The following ANKS1B variants were observed in gnomAD, a reference collection of about 807,000 sequenced individuals.
ANKS1B encodes ankyrin repeat and sterile alpha motif domain-containing protein 1B.
Under a neutral mutation model 148.3 loss-of-function variants are expected in ANKS1B, and 36 were observed. The ratio of observed to expected loss-of-function variants is 0.24; its 90% CI spans 0.19 to 0.32. The LOEUF (loss-of-function observed/expected upper bound fraction) is 0.32. Ranked by LOEUF, ANKS1B falls within the 10% of genes least tolerant of loss-of-function variation. The pLI, the probability that ANKS1B is intolerant of heterozygous loss-of-function variation, is 1.00. For missense variants in ANKS1B, 1,157 were observed against 1,542.6 expected, an observed-to-expected ratio of 0.75 and a Z score of 4.19; for synonymous variants, 542 against 560.8, an observed-to-expected ratio of 0.97 and a Z score of 0.47.
At chr12:99,742,094 C>A (rs1454982854) in intron 8 of ANKS1B, among the ~76,000 whole-genome samples, 6 of 151,098 alleles carry the variant, frequency 4.0e-5, no homozygotes, top group Non-Finnish European at 5.9e-5. Context: ...CACACTGGAG[C>A]CTATTGGAGG....
chr12:99,589,094 T>C (rs1298729), intron 9 of ANKS1B, among the ~76,000 whole-genome samples: 80,222 of 152,078 alleles, frequency 0.53, 23,158 homozygotes, highest in African/African-American at 0.78. Context: ...CGAAATGGTT[T>C]AGAGAGTCAT....
intron 9 of ANKS1B, among the ~76,000 whole-genome samples, chr12:99,559,504 T>G (rs952422260): frequency 6.6e-6 from 1 of 152,194 alleles, no homozygotes; most frequent in Non-Finnish European, 1.5e-5. Flanking sequence ...CACATAGAAT[T>G]AATATTACTC....
intron 17 of ANKS1B, among the ~76,000 whole-genome samples, chr12:98,881,617 A>G (rs565039548): frequency 7.2e-5 from 11 of 152,284 alleles, no homozygotes; most frequent in Non-Finnish European, 1.6e-4. Flanking sequence ...TAAACTCAAT[A>G]TTTTAAGACT....
At chr12:99,455,697 T>A (rs1197383617) in intron 10 of ANKS1B, among the ~76,000 whole-genome samples, 1 of 151,720 alleles carries the variant, frequency 6.6e-6, no homozygotes, top group East Asian at 1.9e-4. Flanking sequence ...GCAGCCATAA[T>A]CCCCCTGGGA....
intron 12 of ANKS1B, among the ~76,000 whole-genome samples, chr12:99,324,099 T>C (rs1218292423): frequency 6.6e-6 from 1 of 152,196 alleles, no homozygotes; most frequent in African/African-American, 2.4e-5. Context: ...GATATCTATA[T>C]AATAAACCAA....
chr12:99,127,843 A>G (rs776348189), intron 15 of ANKS1B, among the ~76,000 whole-genome samples: 10 of 152,250 alleles, frequency 6.6e-5, no homozygotes, highest in Non-Finnish European at 1.2e-4. Context: ...TTGCCTCCAC[A>G]AATTAGACTT....
chr12:99,163,529 C>A (rs939212332), intron 14 of ANKS1B, among the ~76,000 whole-genome samples: 7 of 150,650 alleles, frequency 4.6e-5, no homozygotes, highest in Admixed American at 4.0e-4. Flanking sequence ...TTTTATCACA[C>A]GTGCAGACCA....
chr12:99,246,727 A>G lies in ANKS1B; in HGVS notation c.1894T>C (p.Cys632Arg), dbSNP rs757776109. 6 of 1,613,876 alleles carry G rather than the reference A, an allele frequency of 3.7e-6. No homozygotes were observed. The highest frequency in any genetic ancestry group is 4.2e-6 in the Non-Finnish European group (5 of 1,179,862). Reference protein sequence around the residue: ...PFHLYGKREQCEKGQDEVSLA... With the variant: ...PFHLYGKREQREKGQDEVSLA... ...CTGACTTCATCTTGTCCTTTTTCAC[A>G]TTGTTCTCTTTTCCCATAGAGATGA... Residue 632 changes from cysteine (C) to arginine (R), a missense_variant, in exon 13 of 27, where the codon TGT (cysteine) becomes CGT (arginine). Physicochemically the swap from Cys to Arg is radical, Grantham distance 180 (BLOSUM62 -3). This residue lies in a region of ANKS1B where 661 missense variants were observed against 642.1 expected (regional missense o/e 1.03). Transcript: ENST00000683438.
At chr12:99,519,939 A>C (rs2096858450) in intron 9 of ANKS1B, among the ~76,000 whole-genome samples, 1 of 152,156 alleles carries the variant, frequency 6.6e-6, no homozygotes, top group African/African-American at 2.4e-5. Flanking sequence ...GCAAAAAGTA[A>C]ACTAATGAAG....
intron 14 of ANKS1B, among the ~76,000 whole-genome samples, chr12:99,237,935 G>A (rs1212063917): frequency 1.3e-5 from 2 of 152,212 alleles, no homozygotes; most frequent in Non-Finnish European, 2.9e-5. Flanking sequence ...TGGTGTCCAA[G>A]GTGGCTGAAT....
intron 14 of ANKS1B, among the ~76,000 whole-genome samples, chr12:99,238,352 A>G (rs1413906174): frequency 2.0e-5 from 3 of 152,144 alleles, no homozygotes; most frequent in Admixed American, 2.0e-4. Flanking sequence ...GGGGAGGGGC[A>G]TCCGTCACTG....
chr12:99,602,675 A>AC (rs1164188055), intron 9 of ANKS1B, among the ~76,000 whole-genome samples: 9 of 152,260 alleles, frequency 5.9e-5, no homozygotes, highest in Admixed American at 5.9e-4. Context: ...CCTGAAGTCT[A>AC]CATCAAGTCA....
rs542260241 is a variant in ANKS1B, at chr12:99,754,349, T to G, written c.1128+18573A>C. 2.0e-5 allele frequency among the ~76,000 whole-genome samples: 3 copies of G among 152,278 alleles called. No individual in the cohort carries two copies. In the South Asian group the frequency reaches 6.2e-4, roughly 32 times the overall value. On this transcript the variant is annotated intron_variant, in intron 8 of 26. Coordinates refer to ENST00000683438, the MANE Select transcript of ANKS1B (RefSeq NM_001352186.2). ...GCACCCAACACAGGAGGAAGCAGATTCTTAAATCAAGTTCTTAGAGACTTT... is the reference window on the plus strand; with the variant it reads ...GCACCCAACACAGGAGGAAGCAGATGCTTAAATCAAGTTCTTAGAGACTTT...
chr12:98,787,522 C>A (rs1176523436), intron 22 of ANKS1B, among the ~76,000 whole-genome samples: 1 of 152,138 alleles, frequency 6.6e-6, no homozygotes, highest in Non-Finnish European at 1.5e-5. Context: ...TGGCTAAGTA[C>A]CAGCAGTTTC....
intron 14 of ANKS1B, among the ~76,000 whole-genome samples, chr12:99,187,899 A>T (rs7976522): frequency 0.07 from 10,599 of 152,242 alleles, 804 homozygotes; most frequent in African/African-American, 0.19. Context: ...CAGACTGACA[A>T]ATTGGAAAAA....
chr12:99,252,544 G>T (rs533454947), intron 12 of ANKS1B, among the ~76,000 whole-genome samples: 4 of 152,158 alleles, frequency 2.6e-5, no homozygotes, highest in Non-Finnish European at 4.4e-5. Flanking sequence ...ACACAGAGGG[G>T]TGTAGCCAAA....
At chr12:98,914,029 G>A (rs1412064521) in intron 17 of ANKS1B, among the ~76,000 whole-genome samples, 1 of 152,140 alleles carries the variant, frequency 6.6e-6, no homozygotes, top group East Asian at 1.9e-4. Context: ...ATGTGATATG[G>A]TTTGGATATT....
At chr12:99,401,094 T>C (rs2094392122) in intron 11 of ANKS1B, among the ~76,000 whole-genome samples, 1 of 146,154 alleles carries the variant, frequency 6.8e-6, no homozygotes, top group Non-Finnish European at 1.5e-5. Context: ...GGTATAAATA[T>C]TGTTATGCAA....
rs989426341 is a variant in ANKS1B at position 99,896,949 on chromosome 12, A to G, written c.135-71560T>C. Among the ~76,000 whole-genome samples, 9 of 151,258 alleles carry G rather than the reference A, an allele frequency of 6.0e-5. 2 individuals carry two copies. The highest frequency in any genetic ancestry group is 1.2e-4 in the Non-Finnish European group (8 of 67,538). ...ATGTGTTTGTTTTTCTTCAATATTT[A>G]TAGTTGTTGTCTTGCACAAAAATCT... On this transcript the variant is annotated intron_variant, in intron 1 of 26. Coordinates refer to ENST00000683438, the MANE Select transcript of ANKS1B (RefSeq NM_001352186.2).
Sources: allele counts gnomAD v4.1 joint callset (sites outside exome capture counted in the v4.1 genomes callset), GRCh38; gene constraint gnomAD v4.1.1; regional missense constraint gnomAD v4.1.1; transcripts MANE v1.5; gene names NCBI Gene and HGNC (gene_info 2026-07-23, HGNC 2026-07-21).